SYNJ1: variants seen among roughly 807,000 people sequenced by gnomAD.
The protein encoded by SYNJ1 is synaptojanin 1, also known as polyphosphatidylinositol phosphatase SYNJ1.
In SYNJ1, 78 loss-of-function variants were observed where a neutral mutation model predicts 168.2. That is an observed-to-expected ratio of 0.46 (90% CI 0.39 to 0.56). The LOEUF (loss-of-function observed/expected upper bound fraction) is 0.56. Ranked by LOEUF, SYNJ1 falls within the 20% of genes least tolerant of loss-of-function variation. The pLI is 0.00. For missense variants in SYNJ1, 1,303 were observed against 1,597.6 expected (o/e 0.82, Z 3.14); for synonymous variants, 539 against 548.6 (o/e 0.98, Z 0.24).
chr21:32,680,234 G>T (rs922029517), intron 11 of SYNJ1, among the ~76,000 whole-genome samples: 1 of 152,134 alleles, frequency 6.6e-6, no homozygotes, highest in Non-Finnish European at 1.5e-5. Flanking sequence ...ATACCTCTGG[G>T]CAGAGGCATG....
chr21:32,699,610 TCTGA>T (rs1379181759), intron 4 of SYNJ1, among the ~76,000 whole-genome samples: 1 of 152,166 alleles, frequency 6.6e-6, no homozygotes, highest in African/African-American at 2.4e-5. Flanking sequence ...CCTGCTCATA[TCTGA>T]CTGTCTACTC....
At chr21:32,634,413 A>G (rs980120933) in intron 32 of SYNJ1, among the ~76,000 whole-genome samples, 1 of 152,138 alleles carries the variant, frequency 6.6e-6, no homozygotes. Context: ...TAAACCATCA[A>G]TTCTTCCTTA....
chr21:32,636,285 CAGAT>C (rs1203807114), intron 31 of SYNJ1, among the ~76,000 whole-genome samples: 1 of 152,124 alleles, frequency 6.6e-6, no homozygotes. Flanking sequence ...TGCTAGAAGT[CAGAT>C]AGATAAGTGA....
At chr21:32,716,341 C>G (rs2043022250) in intron 2 of SYNJ1, among the ~76,000 whole-genome samples, 2 of 152,156 alleles carry the variant, frequency 1.3e-5, no homozygotes, top group South Asian at 4.1e-4. Context: ...TATTAAACTG[C>G]TAGTCATTAT....
At position 32,695,633 on chromosome 21, in the gene SYNJ1, A is replaced by ATATTTATT. The variant is rs759113240; in HGVS notation, c.480-359_480-352dup. On this transcript the variant is annotated intron_variant, in intron 4 of 32. Coordinates refer to ENST00000674351, the MANE Select transcript of SYNJ1 (RefSeq NM_203446.3). ...TTATGAAGCTCTACTTTTTAAAAAA[A>ATATTTATT]TATTTATTTATTTATTTATTTATTT... Among the ~76,000 whole-genome samples the ATATTTATT allele has an allele frequency of 5.5e-3, 812 of 148,034 alleles. 4 individuals carry two copies. The highest frequency in any genetic ancestry group is 0.018 in the Middle Eastern group (5 of 282).
At chr21:32,686,941 C>A in intron 8 of SYNJ1, 37 bp downstream of exon 8, 1 of 1,301,122 alleles carries the variant, frequency 7.7e-7, no homozygotes, top group Non-Finnish European at 1.1e-6. Flanking sequence ...TCTAGGTGTC[C>A]ATGGGCCAGA....
chr21:32,639,605 C>T, intron 30 of SYNJ1, 66 bp downstream of exon 30: 1 of 1,347,502 alleles, frequency 7.4e-7, no homozygotes, highest in Admixed American at 1.7e-5. Flanking sequence ...ACTATGTTGC[C>T]CAAGCTGGTC....
intron 15 of SYNJ1, among the ~76,000 whole-genome samples, chr21:32,669,556 TAA>T (rs1262442903): frequency 6.6e-6 from 1 of 152,274 alleles, no homozygotes; most frequent in African/African-American, 2.4e-5. Flanking sequence ...CACGCAAAGG[TAA>T]AAGATGAATT....
At position 32,639,139 on chromosome 21, in the gene SYNJ1, G is replaced by T; in HGVS notation, c.3698-14C>A. 1 of 1,606,008 alleles carries T rather than the reference G, an allele frequency of 6.2e-7. No homozygotes were observed. The highest frequency in any genetic ancestry group is 1.1e-5 in the South Asian group (1 of 90,648). On this transcript the variant is annotated splice_polypyrimidine_tract_variant and intron_variant, in intron 30 of 32. Transcript: ENST00000674351. ...GGAAAGTTGAACCTAAAAAACCAGT[G>T]GTTGTCAGATGTTAGGTATATTCTA...
intron 13 of SYNJ1, among the ~76,000 whole-genome samples, chr21:32,675,452 C>A (rs530996629): frequency 1.1e-3 from 161 of 152,018 alleles, no homozygotes; most frequent in Non-Finnish European, 1.7e-3. Flanking sequence ...AACAGATGTC[C>A]ATCCCTAAAT....
At chr21:32,675,433 T>C (rs541797660) in intron 13 of SYNJ1, among the ~76,000 whole-genome samples, 1 of 152,292 alleles carries the variant, frequency 6.6e-6, no homozygotes, top group South Asian at 2.1e-4. Context: ...AATGAGTCTA[T>C]GCTCAAACAA....
intron 27 of SYNJ1, among the ~76,000 whole-genome samples, 174 bp downstream of exon 27, chr21:32,643,236 T>C (rs756177407): frequency 4.0e-5 from 6 of 150,218 alleles, no homozygotes; most frequent in East Asian, 2.0e-4. Context: ...ATAGGTGACA[T>C]AGAATGAAGA....
intron 11 of SYNJ1, among the ~76,000 whole-genome samples, chr21:32,680,465 C>T (rs1358645865): frequency 1.3e-5 from 2 of 152,052 alleles, no homozygotes; most frequent in African/African-American, 4.8e-5. Context: ...AAAAGTTAAA[C>T]AATATTTAAG....
intron 3 of SYNJ1, 138 bp downstream of exon 3, chr21:32,701,823 T>A: frequency 5.2e-6 from 3 of 578,540 alleles, no homozygotes; most frequent in Non-Finnish European, 8.4e-6. Flanking sequence ...ATTAGCTACA[T>A]TAATGTTTAA....
chr21:32,711,314 T>C (rs1601511341), intron 2 of SYNJ1, among the ~76,000 whole-genome samples: 1 of 152,112 alleles, frequency 6.6e-6, no homozygotes, highest in African/African-American at 2.4e-5. Flanking sequence ...CCTCCACCTT[T>C]TTCTTTTTTC....
At chr21:32,638,818 T>G in intron 31 of SYNJ1, 90 bp downstream of exon 31, 2 of 1,270,428 alleles carry the variant, frequency 1.6e-6, no homozygotes, top group South Asian at 3.7e-5. Flanking sequence ...TATTTTTACT[T>G]CTTATAACAG....
rs2040080863 is a variant in SYNJ1 at position 32,646,584 on chromosome 21, C to G, written c.3056G>C (p.Ser1019Thr). The change falls in exon 24 of 33, where the codon AGT becomes ACT. Residue 1019 changes from serine (S) to threonine (T), a missense_variant. Physicochemically the swap from Ser to Thr is moderately conservative, Grantham distance 58. Transcript: ENST00000674351. ...AGGAAGAAGTTCCTCCACTTCAGCA[C>G]TATAGTCATCAACATCACCTAAGGA... ...FDMEGDVDDY[S>T]AEVEELLPQH... 2 of 1,613,874 alleles carry G rather than the reference C, an allele frequency of 1.2e-6. No individual in the cohort carries two copies. Among genetic ancestry groups the G allele is most frequent in the African/African-American group, 2.7e-5 (2 of 74,890 alleles).
At chr21:32,714,585 G>A (rs2042955620) in intron 2 of SYNJ1, among the ~76,000 whole-genome samples, 1 of 152,288 alleles carries the variant, frequency 6.6e-6, no homozygotes, top group African/African-American at 2.4e-5. Flanking sequence ...GAGGTGTTGA[G>A]GATGATTCTT....
At chr21:32,702,502 T>G (rs1253588333) in intron 2 of SYNJ1, among the ~76,000 whole-genome samples, 1 of 152,178 alleles carries the variant, frequency 6.6e-6, no homozygotes, top group East Asian at 1.9e-4. Context: ...ATAATTTTCC[T>G]AAGACAGGCT....
Sources: allele counts gnomAD v4.1 joint callset (sites outside exome capture counted in the v4.1 genomes callset), GRCh38; gene constraint gnomAD v4.1.1; transcripts MANE v1.5; gene names NCBI Gene and HGNC (gene_info 2026-07-23, HGNC 2026-07-21).